Variants in EBF1 observed in about 807,000 individuals in gnomAD.
The protein encoded by EBF1 is EBF transcription factor 1, also known as transcription factor COE1.
Under a neutral mutation model 68.4 loss-of-function variants are expected in EBF1, and 10 were observed. That is an observed-to-expected ratio of 0.15 (90% CI 0.09 to 0.25). The LOEUF is 0.25. Among genes scored for constraint, EBF1 ranks in the 10% least tolerant of loss-of-function variants. The pLI, the probability that EBF1 is intolerant of heterozygous loss-of-function variation, is 1.00. For missense variants in EBF1, 509 were observed against 794.4 expected, an observed-to-expected ratio of 0.64 and a Z score of 4.32; for synonymous variants, 298 against 299.8, an observed-to-expected ratio of 0.99 and a Z score of 0.06.
chr5:158,794,501 C>T (rs1192477056), intron 9 of EBF1, among the ~76,000 whole-genome samples: 4 of 152,112 alleles, frequency 2.6e-5, no homozygotes, highest in African/African-American at 7.2e-5. Context: ...CCTGATGTGT[C>T]CTTATTCCAT....
intron 6 of EBF1, among the ~76,000 whole-genome samples, chr5:158,990,860 C>T (rs1760166106): frequency 6.6e-6 from 1 of 152,232 alleles, no homozygotes; most frequent in Non-Finnish European, 1.5e-5. Context: ...GAGATAATCT[C>T]ACTCAAGACA....
At chr5:158,984,373 C>A (rs1027497987) in intron 6 of EBF1, among the ~76,000 whole-genome samples, 5 of 152,154 alleles carry the variant, frequency 3.3e-5, no homozygotes, top group African/African-American at 1.2e-4. Flanking sequence ...TTTGTAGATA[C>A]TGACCTTTTT....
intron 6 of EBF1, among the ~76,000 whole-genome samples, chr5:158,842,562 A>G (rs1205366621): frequency 2.6e-5 from 4 of 152,224 alleles, no homozygotes; most frequent in Non-Finnish European, 5.9e-5. Flanking sequence ...GACTTTGGAT[A>G]AGGAGCTGAA....
Position 159,013,583 on chromosome 5 carries a change from A to G in EBF1, c.554+59813T>C, listed in dbSNP as rs147300428. 7.6e-3 allele frequency among the ~76,000 whole-genome samples: 1,164 copies of G among 152,290 alleles called. 28 individuals carry two copies. The highest frequency in any genetic ancestry group is 0.027 in the African/African-American group (1,120 of 41,560). ...CATGAATGAGGCTGGAGGGCCCACA[A>G]TGCTGTGCCTGAGATCCAGGCTGAG... On this transcript the variant is annotated intron_variant, in intron 6 of 15. Transcript: ENST00000313708.
chr5:158,713,214 G>A (rs3734105), intron 12 of EBF1, 67 bp from the exon 13 acceptor site: 1,053,251 of 1,288,838 alleles, frequency 0.82, 431,537 homozygotes, highest in East Asian at 0.96. Context: ...CCATTTTTTC[G>A]GTGCCAGGTA....
intron 6 of EBF1, among the ~76,000 whole-genome samples, chr5:159,001,970 T>C (rs1465638823): frequency 1.3e-5 from 2 of 152,208 alleles, no homozygotes; most frequent in African/African-American, 2.4e-5. Flanking sequence ...TGTGTGTATG[T>C]GTTTAAGCTA....
chr5:158,977,015 C>A (rs1756908295), intron 6 of EBF1, among the ~76,000 whole-genome samples: 1 of 152,210 alleles, frequency 6.6e-6, no homozygotes, highest in African/African-American at 2.4e-5. Context: ...ATCTCAGAAT[C>A]TGCCCCTACA....
At chr5:158,838,961 T>C (rs1434173039) in intron 7 of EBF1, among the ~76,000 whole-genome samples, 1 of 152,188 alleles carries the variant, frequency 6.6e-6, no homozygotes, top group Non-Finnish European at 1.5e-5. Context: ...GGCCTTGGCA[T>C]CATACAGGAG....
intron 6 of EBF1, among the ~76,000 whole-genome samples, chr5:158,986,165 G>T (rs774672855): frequency 2.0e-5 from 3 of 152,192 alleles, no homozygotes; most frequent in Non-Finnish European, 4.4e-5. Flanking sequence ...TTAAGAAACA[G>T]CATGATTTCT....
chr5:158,815,472 G>T (rs575835331), intron 8 of EBF1, among the ~76,000 whole-genome samples: 31 of 152,204 alleles, frequency 2.0e-4, no homozygotes, highest in Middle Eastern at 3.4e-3. Flanking sequence ...AAAATAGTTA[G>T]CATGGTGCTG....
At chr5:158,986,734 T>G (rs1371568766) in intron 6 of EBF1, 1 of 152,154 alleles carries the variant, frequency 6.6e-6, no homozygotes, top group Non-Finnish European at 1.5e-5. Context: ...TCCTAAGAAT[T>G]TAATCTCTAT....
intron 6 of EBF1, among the ~76,000 whole-genome samples, chr5:159,045,500 A>G (rs1772197040): frequency 6.6e-6 from 1 of 152,208 alleles, no homozygotes; most frequent in South Asian, 2.1e-4. Flanking sequence ...ATTAAAAAAA[A>G]GATCTGAAAC....
intron 6 of EBF1, among the ~76,000 whole-genome samples, chr5:158,846,320 C>G (rs1006440328): frequency 6.6e-6 from 1 of 152,208 alleles, no homozygotes; most frequent in Admixed American, 6.5e-5. Context: ...CCATAGACGG[C>G]ACCATCACCT....
chr5:159,020,481 T>A (rs897207515), intron 6 of EBF1, among the ~76,000 whole-genome samples: 1 of 152,158 alleles, frequency 6.6e-6, no homozygotes, highest in Non-Finnish European at 1.5e-5. Flanking sequence ...GACTTCACCC[T>A]CAATCGAGCG....
intron 8 of EBF1, among the ~76,000 whole-genome samples, chr5:158,811,648 G>C (rs999610304): frequency 2.6e-5 from 4 of 152,142 alleles, no homozygotes; most frequent in Admixed American, 1.3e-4. Flanking sequence ...AACCGCTATC[G>C]TAACAGTAAG....
At chr5:159,010,859 C>T (rs931696207) in intron 6 of EBF1, among the ~76,000 whole-genome samples, 1 of 152,188 alleles carries the variant, frequency 6.6e-6, no homozygotes, top group African/African-American at 2.4e-5. Flanking sequence ...AGAAACAATA[C>T]CAAGGGGAAA....
chr5:158,976,413 T>A (rs1756766011), intron 6 of EBF1, among the ~76,000 whole-genome samples: 1 of 151,938 alleles, frequency 6.6e-6, no homozygotes, highest in Admixed American at 6.6e-5. Context: ...ACTAGGAATG[T>A]AAAATACACT....
At chr5:158,789,399 T>C (rs999276224) in intron 9 of EBF1, among the ~76,000 whole-genome samples, 1 of 152,204 alleles carries the variant, frequency 6.6e-6, no homozygotes, top group African/African-American at 2.4e-5. Context: ...CTTAATTTTC[T>C]TTTTTATTTT....
At position 158,747,942 on chromosome 5, in the gene EBF1, C is replaced by T. The variant is rs528313427; in HGVS notation, c.1037-16785G>A. Among the ~76,000 whole-genome samples the T allele has an allele frequency of 7.2e-5, 11 of 152,256 alleles. No homozygotes were observed. The South Asian group carries it at 1.5e-3, about 20-fold the overall frequency. The stretch of plus-strand genomic sequence containing the variant: ...CACAGCAGTAAGAGCTGAACCAGGG[C>T]AGGCTGTCACTATTGTTCACTGGCT... On this transcript the variant is annotated intron_variant, in intron 10 of 15. Coordinates refer to ENST00000313708, the MANE Select transcript of EBF1 (RefSeq NM_024007.5).
Sources: allele counts gnomAD v4.1 joint callset (sites outside exome capture counted in the v4.1 genomes callset), GRCh38; gene constraint gnomAD v4.1.1; transcripts MANE v1.5; gene names NCBI Gene and HGNC (gene_info 2026-07-23, HGNC 2026-07-21).